The following PDE1C variants were observed in gnomAD, a reference collection of about 807,000 sequenced individuals.
PDE1C encodes the protein phosphodiesterase 1C, also known as dual specificity calcium/calmodulin-dependent 3',5'-cyclic nucleotide phosphodiesterase 1C.
In PDE1C, 62 loss-of-function variants were observed where a neutral mutation model predicts 93.1. That is an observed-to-expected ratio of 0.67 (90% confidence interval 0.54 to 0.82). The LOEUF is 0.82. Ranked by LOEUF, PDE1C falls within the 40% of genes least tolerant of loss-of-function variation. The pLI is 0.00. For synonymous variants in PDE1C, 325 were observed against 310.1 expected, an observed-to-expected ratio of 1.05 and a Z score of -0.50; for missense variants, 742 against 884.6, an observed-to-expected ratio of 0.84 and a Z score of 2.04.
rs57400095 is a variant in PDE1C, at chr7:32,026,710, C to T, written c.128+24844G>A. ...CAGATAAAATGAAAACTCAGGTCCA[C>T]AAAAAATGGCAGCTTTATTCATAAT... On this transcript the variant is annotated intron_variant, in intron 2 of 17. Transcript: ENST00000396191. Among the ~76,000 whole-genome samples, 771 of 152,090 alleles carry T rather than the reference C, an allele frequency of 5.1e-3. 4 individuals carry two copies. The highest frequency in any genetic ancestry group is 0.017 in the African/African-American group (720 of 41,514).
At chr7:31,976,846 G>A (rs1380506008) in intron 2 of PDE1C, among the ~76,000 whole-genome samples, 1 of 152,166 alleles carries the variant, frequency 6.6e-6, no homozygotes, top group East Asian at 1.9e-4. Context: ...CCTGGCCCTT[G>A]TCTGCCCCTT....
intron 17 of PDE1C, among the ~76,000 whole-genome samples, chr7:31,769,362 C>G (rs1194399119): frequency 2.6e-5 from 4 of 152,144 alleles, no homozygotes; most frequent in Non-Finnish European, 4.4e-5. Flanking sequence ...TTTCCTCACC[C>G]TTGATGTAGC....
intron 17 of PDE1C, among the ~76,000 whole-genome samples, chr7:31,764,536 G>C (rs1361003549): frequency 6.6e-6 from 1 of 152,162 alleles, no homozygotes; most frequent in African/African-American, 2.4e-5. Context: ...AACCAAGACG[G>C]AAGGAGTTCC....
intron 3 of PDE1C, among the ~76,000 whole-genome samples, chr7:32,084,591 C>A (rs982178212): frequency 6.6e-6 from 1 of 151,912 alleles, no homozygotes; most frequent in Admixed American, 6.6e-5. Flanking sequence ...AAATTGCACA[C>A]ATAGTTGGAA....
chr7:32,105,558 A>G (rs1798255207), intron 3 of PDE1C, among the ~76,000 whole-genome samples: 1 of 152,152 alleles, frequency 6.6e-6, no homozygotes, highest in South Asian at 2.1e-4. Context: ...AGAAGGACAT[A>G]CACTCCTCTT....
At chr7:31,866,822 C>T (rs1795355014) in intron 6 of PDE1C, among the ~76,000 whole-genome samples, 2 of 152,104 alleles carry the variant, frequency 1.3e-5, no homozygotes, top group African/African-American at 4.8e-5. Context: ...TGAGTGATGG[C>T]TAGCAGTCCA....
At chr7:32,247,939 G>C (rs1230636254) in intron 1 of PDE1C, among the ~76,000 whole-genome samples, 1 of 152,072 alleles carries the variant, frequency 6.6e-6, no homozygotes. Context: ...GTAGTAGTGA[G>C]GGCCTCCAGG....
chr7:31,656,687 T>C, the PDE1C span, among the ~76,000 whole-genome samples: 1 of 152,138 alleles, frequency 6.6e-6, no homozygotes. Flanking sequence ...GAGTTTAGAT[T>C]GTAAAAAGGG....
chr7:31,649,220 G>T, the PDE1C span, among the ~76,000 whole-genome samples: 1 of 152,212 alleles, frequency 6.6e-6, no homozygotes, highest in Non-Finnish European at 1.5e-5. Context: ...TCTTAGGAAA[G>T]TATTTCCATT....
intron 1 of PDE1C, among the ~76,000 whole-genome samples, chr7:32,411,598 G>C (rs1785170921): frequency 6.6e-6 from 1 of 152,184 alleles, no homozygotes; most frequent in Admixed American, 6.5e-5. Flanking sequence ...TGAGTGAATG[G>C]GGAGTGAATG....
chr7:32,364,128 C>A (rs1784187083), intron 1 of PDE1C, among the ~76,000 whole-genome samples: 1 of 152,168 alleles, frequency 6.6e-6, no homozygotes, highest in Non-Finnish European at 1.5e-5. Flanking sequence ...GAGTGTGGGT[C>A]TCCTGGATGC....
At chr7:31,779,707 G>T (rs7798149) in intron 16 of PDE1C, among the ~76,000 whole-genome samples, 5 of 152,106 alleles carry the variant, frequency 3.3e-5, no homozygotes, top group Admixed American at 1.3e-4. Context: ...GGCCATTGGC[G>T]GGGGGTTAGG....
At chr7:32,286,128 A>G (rs1811983737) in intron 1 of PDE1C, among the ~76,000 whole-genome samples, 1 of 152,236 alleles carries the variant, frequency 6.6e-6, no homozygotes, top group Non-Finnish European at 1.5e-5. Context: ...TGTAAGAAAC[A>G]TTCTAGCTCT....
rs2128791013 is a variant in PDE1C, at chr7:32,151,967, T to G, written c.308+17818A>C. On this transcript the variant is annotated intron_variant, in intron 3 of 18. Coordinates refer to the PDE1C transcript ENST00000396193. ...CTTCTGTTTATTCCTATGATGACAT[T>G]TTTATTTTAATAAGTGTAAACAAAT... Among the ~76,000 whole-genome samples, 2 of 152,312 alleles carry G rather than the reference T, an allele frequency of 1.3e-5. 1 individual carries two copies. Among genetic ancestry groups the G allele is most frequent in the Middle Eastern group, 6.8e-3 (2 of 294 alleles).
At chr7:32,324,641 T>G (rs1783368190) in intron 1 of PDE1C, among the ~76,000 whole-genome samples, 1 of 152,224 alleles carries the variant, frequency 6.6e-6, no homozygotes, top group African/African-American at 2.4e-5. Flanking sequence ...ACAGAACTCC[T>G]CAGAGTCTTT....
intron 2 of PDE1C, among the ~76,000 whole-genome samples, chr7:31,939,365 T>G (rs1306974097): frequency 2.6e-5 from 4 of 152,158 alleles, no homozygotes; most frequent in Non-Finnish European, 4.4e-5. Flanking sequence ...TGTATCCAAA[T>G]GCTCTCATTT....
chr7:32,303,141 CA>C (rs1585097730), upstream of PDE1C, among the ~76,000 whole-genome samples: 1 of 152,154 alleles, frequency 6.6e-6, no homozygotes, highest in Admixed American at 6.5e-5. Context: ...GGTCCAGTTC[CA>C]GCTGGTATCT....
chr7:31,828,203 C>T (rs574937297), intron 12 of PDE1C, 89 bp downstream of exon 12: 34 of 1,027,306 alleles, frequency 3.3e-5, no homozygotes, highest in Non-Finnish European at 4.6e-5. Context: ...GAGCCAGTTT[C>T]CCAGCCAAAG....
chr7:31,800,547 C>T (rs887680629), intron 16 of PDE1C, among the ~76,000 whole-genome samples: 1 of 151,494 alleles, frequency 6.6e-6, no homozygotes, highest in Non-Finnish European at 1.5e-5. Flanking sequence ...AGTCCATACA[C>T]ATGTAGATCT....
Sources: gnomAD v4.1 joint callset for allele counts (sites outside exome capture counted in the v4.1 genomes callset) on GRCh38, gnomAD v4.1.1 for gene constraint, MANE v1.5 for transcripts, NCBI Gene and HGNC (gene_info 2026-07-23, HGNC 2026-07-21) for gene names.